Variants in STK10 observed in about 807,000 individuals in gnomAD.
STK10 encodes serine/threonine kinase 10, also known as serine/threonine-protein kinase 10.
In STK10, 78 loss-of-function variants were observed where a neutral mutation model predicts 113.8. That is an observed-to-expected ratio of 0.69 (90% CI 0.57 to 0.83). STK10 has a LOEUF of 0.83. Among genes scored for constraint, STK10 ranks in the 40% least tolerant of loss-of-function variants. The probability of loss-of-function intolerance (pLI) is 0.00; values close to 1 mark genes in which losing one functional copy is unlikely to be tolerated. For missense variants in STK10, 1,109 were observed against 1,280.1 expected (o/e 0.87, Z 2.04); for synonymous variants, 465 against 494.7 (o/e 0.94, Z 0.80).
intron 3 of STK10, among the ~76,000 whole-genome samples, chr5:172,126,097 A>C (rs925006678): frequency 2.0e-5 from 3 of 152,090 alleles, no homozygotes; most frequent in Non-Finnish European, 2.9e-5. Context: ...AATCCTGGAC[A>C]TGTCACTCAA....
intron 3 of STK10, among the ~76,000 whole-genome samples, chr5:172,126,712 C>T (rs1437566988): frequency 1.3e-5 from 2 of 152,222 alleles, no homozygotes; most frequent in African/African-American, 4.8e-5. Context: ...TGATCATCGT[C>T]GTCATTATTG....
At chr5:172,049,440 G>A (rs948526974) in intron 18 of STK10, among the ~76,000 whole-genome samples, 8 of 152,128 alleles carry the variant, frequency 5.3e-5, no homozygotes, top group Non-Finnish European at 1.2e-4. Flanking sequence ...AGGGGAACAG[G>A]CTGGGCAAAA....
chr5:172,114,474 T>TATATATATATATATATATATATATATATA (rs55784262), intron 4 of STK10: 1 of 25,780 alleles, frequency 3.9e-5, no homozygotes, highest in Non-Finnish European at 6.1e-5. Context: ...TATATATATA[T>TATATATATATATATATATATATATATATA]TTTTTTTTTT....
chr5:172,148,623 G>A (rs1039429231), intron 2 of STK10, among the ~76,000 whole-genome samples: 2 of 152,240 alleles, frequency 1.3e-5, no homozygotes, highest in Non-Finnish European at 2.9e-5. Context: ...CCCGGCACAG[G>A]CCTCCTCACC....
At position 172,142,017 on chromosome 5, in the gene STK10, G is replaced by A. The variant is rs559695058; in HGVS notation, c.322-14596C>T. On this transcript the variant is annotated intron_variant, in intron 2 of 18. Transcript: ENST00000176763. ...TGTACCAGGCATTGTTTTAGCCACT[G>A]GGAATACAGCAGTGAAAAAACAGTT... 6.6e-5 allele frequency among the ~76,000 whole-genome samples: 10 copies of A among 152,266 alleles called. 1 individual carries two copies. In the East Asian group the frequency reaches 1.9e-3, roughly 29 times the overall value.
rs1767459889 is a variant in STK10, at chr5:172,044,766, G to A, written c.*116C>T. On this transcript the variant is annotated 3_prime_UTR_variant, in exon 19 of 19. Coordinates refer to ENST00000176763, the MANE Select transcript of STK10 (RefSeq NM_005990.4). This position sits in a 1 kb window ranked among gnomAD's most constrained non-coding sequence, Gnocchi z 4.5. Reference sequence around the variant, plus strand: ...TGGGGTGGCACAGGGCGAGGGGCTGGATTTGAGCTGGCACAGACGCAAGAG... The same window carrying A: ...TGGGGTGGCACAGGGCGAGGGGCTGAATTTGAGCTGGCACAGACGCAAGAG... The A allele has an allele frequency of 6.4e-7, 1 of 1,559,790 alleles. No individual in the cohort carries two copies. The highest frequency in any genetic ancestry group is 1.3e-5 in the African/African-American group (1 of 74,116).
At chr5:172,087,162 C>T (rs1768582320) in intron 10 of STK10, among the ~76,000 whole-genome samples, 1 of 120,762 alleles carries the variant, frequency 8.3e-6, no homozygotes, top group African/African-American at 3.2e-5. Flanking sequence ...GTGGTGTATG[C>T]AGATACACTA....
chr5:172,114,547 A>C (rs1305540687), intron 4 of STK10: 2 of 126,476 alleles, frequency 1.6e-5, no homozygotes, highest in Non-Finnish European at 3.1e-5. Context: ...CAGTGGCGCA[A>C]TCTCGGCTCA....
chr5:172,114,506 G>A (rs1462642038), intron 4 of STK10: 6 of 66,026 alleles, frequency 9.1e-5, no homozygotes, highest in Admixed American at 2.2e-4. Flanking sequence ...TTTTTGAGAC[G>A]GAGTCTCACT....
At chr5:172,155,735 C>T (rs1166333128) in intron 2 of STK10, among the ~76,000 whole-genome samples, 1 of 151,916 alleles carries the variant, frequency 6.6e-6, no homozygotes, top group African/African-American at 2.4e-5. Flanking sequence ...TGGCTAACAC[C>T]AGTAATCCCA....
chr5:172,066,431 G>A (rs1768070677), intron 12 of STK10, among the ~76,000 whole-genome samples: 1 of 152,086 alleles, frequency 6.6e-6, no homozygotes, highest in African/African-American at 2.4e-5. Flanking sequence ...TTGTGTTTCT[G>A]GCCAGAGAAC....
intron 18 of STK10, among the ~76,000 whole-genome samples, chr5:172,048,879 A>T (rs1248318384): frequency 6.9e-6 from 1 of 144,904 alleles, no homozygotes; most frequent in Non-Finnish European, 1.5e-5. Context: ...CGTCACCACC[A>T]CTCTCTCCGG....
At chr5:172,101,583 A>G (rs571318161) in intron 7 of STK10, among the ~76,000 whole-genome samples, 1 of 152,310 alleles carries the variant, frequency 6.6e-6, no homozygotes, top group South Asian at 2.1e-4. Flanking sequence ...CGCTGTCCTC[A>G]GGGCACTGAC....
At chr5:172,072,362 G>A (rs998447045) in intron 12 of STK10, among the ~76,000 whole-genome samples, 18 of 152,226 alleles carry the variant, frequency 1.2e-4, no homozygotes, top group African/African-American at 4.3e-4. Flanking sequence ...CGCCTACCGG[G>A]TTCATGCCAT....
intron 10 of STK10, among the ~76,000 whole-genome samples, chr5:172,083,367 A>T (rs1768475988): frequency 6.6e-6 from 1 of 152,214 alleles, no homozygotes; most frequent in African/African-American, 2.4e-5. Flanking sequence ...GATAAAAAGA[A>T]ATTTTAGAAT....
intron 7 of STK10, among the ~76,000 whole-genome samples, chr5:172,102,459 C>G (rs879470181): frequency 6.6e-6 from 1 of 152,092 alleles, no homozygotes; most frequent in Non-Finnish European, 1.5e-5. Flanking sequence ...CAGCTGGACG[C>G]GGGCCGAGGC....
intron 3 of STK10, among the ~76,000 whole-genome samples, chr5:172,124,181 G>A (rs1012732592): frequency 3.3e-5 from 5 of 152,022 alleles, no homozygotes; most frequent in African/African-American, 4.8e-5. Flanking sequence ...CACCTGCCTC[G>A]GCCTCCCAAA....
At chr5:172,046,811 T>C (rs1411639395) in intron 18 of STK10, among the ~76,000 whole-genome samples, 2 of 152,206 alleles carry the variant, frequency 1.3e-5, no homozygotes, top group African/African-American at 2.4e-5. Flanking sequence ...TGTGTTCCAA[T>C]AAAACTTTAT....
intron 2 of STK10, among the ~76,000 whole-genome samples, chr5:172,148,992 C>T (rs974932940): frequency 6.6e-6 from 1 of 152,184 alleles, no homozygotes; most frequent in Non-Finnish European, 1.5e-5. Context: ...TGGAGACCAG[C>T]CCTGTCTCTA....
Sources: gnomAD v4.1 joint callset for allele counts (sites outside exome capture counted in the v4.1 genomes callset) on GRCh38, gnomAD v4.1.1 for gene constraint, Gnocchi (gnomAD v3.1) non-coding constraint, MANE v1.5 for transcripts, NCBI Gene and HGNC (gene_info 2026-07-23, HGNC 2026-07-21) for gene names.